CACNG5: variants seen among roughly 807,000 people sequenced by gnomAD.
CACNG5 encodes the protein voltage-dependent calcium channel gamma-5 subunit.
CACNG5 carries 18 observed loss-of-function variants against 24.8 expected under a neutral mutation model. The observed-to-expected ratio is 0.73, with a 90% CI of 0.50 to 1.08. The LOEUF (loss-of-function observed/expected upper bound fraction) is 1.08. Ranked by LOEUF, CACNG5 falls within the 50% of genes least tolerant of loss-of-function variation. CACNG5 has a pLI of 0.00. For synonymous variants in CACNG5, 157 were observed against 149.1 expected, an observed-to-expected ratio of 1.05 and a Z score of -0.39; for missense variants, 349 against 367.9, an observed-to-expected ratio of 0.95 and a Z score of 0.42.
intron 1 of CACNG5, among the ~76,000 whole-genome samples, chr17:66,860,842 T>C (rs1479835974): frequency 2.0e-5 from 3 of 150,206 alleles, no homozygotes; most frequent in Non-Finnish European, 4.4e-5. Context: ...AAACATTATA[T>C]AAGACTTTCT....
At chr17:66,884,805 G>T in intron 5 of CACNG5, 144 bp downstream of exon 5, 1 of 1,613,302 alleles carries the variant, frequency 6.2e-7, no homozygotes, top group African/African-American at 1.3e-5. Context: ...CCTCATCCCA[G>T]AATGTGTCAC....
intron 1 of CACNG5, among the ~76,000 whole-genome samples, chr17:66,872,238 T>C (rs937225869): frequency 6.6e-6 from 1 of 152,238 alleles, no homozygotes; most frequent in Non-Finnish European, 1.5e-5. Flanking sequence ...TTCATTAATT[T>C]ACTATTATAG....
intron 1 of CACNG5, among the ~76,000 whole-genome samples, chr17:66,863,135 G>T (rs960702777): frequency 4.0e-5 from 6 of 151,524 alleles, no homozygotes; most frequent in Admixed American, 6.6e-5. Context: ...TGCTCTTAAG[G>T]TTATGATTTT....
chr17:66,865,936 C>CG (rs1976923778), intron 1 of CACNG5, among the ~76,000 whole-genome samples: 2 of 151,920 alleles, frequency 1.3e-5, no homozygotes, highest in South Asian at 2.1e-4. Context: ...CCACCGCACC[C>CG]GGCCAAGTCT....
At chr17:66,875,296 G>A (rs1323092884) in intron 1 of CACNG5, among the ~76,000 whole-genome samples, 1 of 152,046 alleles carries the variant, frequency 6.6e-6, no homozygotes, top group East Asian at 1.9e-4. Flanking sequence ...GGGTGGAGAG[G>A]GCTGTTTGGT....
intron 2 of CACNG5, 118 bp from the exon 3 acceptor site, chr17:66,878,854 G>A: frequency 1.2e-6 from 1 of 815,008 alleles, no homozygotes. Context: ...ATCCAGCTCA[G>A]GTGCAAAGAC....
chr17:66,857,972 A>G (rs1284346630), intron 1 of CACNG5, among the ~76,000 whole-genome samples: 1 of 152,176 alleles, frequency 6.6e-6, no homozygotes, highest in Non-Finnish European at 1.5e-5. Context: ...CCATTGATAT[A>G]TGGGTTTGGG....
chr17:66,870,735 T>C (rs1337409694), intron 1 of CACNG5, among the ~76,000 whole-genome samples: 1 of 152,016 alleles, frequency 6.6e-6, no homozygotes, highest in Non-Finnish European at 1.5e-5. Context: ...TCCCAACACT[T>C]TGAGAGGCCG....
Position 66,890,340 on chromosome 17 carries a change from T to C in CACNG5, c.*5100T>C, listed in dbSNP as rs2143145604. ...AGTCAGAGCCCTCACCAGGGCTGCT[T>C]TTGCTCTTTGGGTTCCAGGCATGCA... On this transcript the variant is annotated 3_prime_UTR_variant, in exon 6 of 6. Coordinates refer to ENST00000533854, the MANE Select transcript of CACNG5 (RefSeq NM_145811.3). Among the ~76,000 whole-genome samples, 1 of 152,216 alleles carries C rather than the reference T, an allele frequency of 6.6e-6. No homozygotes were observed. Among genetic ancestry groups the C allele is most frequent in the East Asian group, 1.9e-4 (1 of 5,164 alleles).
chr17:66,839,190 GAA>G (rs1380165817), intron 1 of CACNG5, among the ~76,000 whole-genome samples: 1 of 151,808 alleles, frequency 6.6e-6, no homozygotes, highest in African/African-American at 2.4e-5. Context: ...TCAATCTCCT[GAA>G]CTTGTGATCC....
At chr17:66,850,091 G>A (rs1210718834) in intron 1 of CACNG5, among the ~76,000 whole-genome samples, 2 of 150,734 alleles carry the variant, frequency 1.3e-5, no homozygotes, top group Non-Finnish European at 2.9e-5. Context: ...AGCCCCTGCA[G>A]CCAGGCTGCC....
chr17:66,856,774 C>G (rs899714585), intron 1 of CACNG5, among the ~76,000 whole-genome samples: 1 of 152,010 alleles, frequency 6.6e-6, no homozygotes, highest in African/African-American at 2.4e-5. Flanking sequence ...AACTCCTGAC[C>G]TCAGGTGATG....
At position 66,885,050 on chromosome 17, in the gene CACNG5, A is replaced by G; in HGVS notation, c.638A>G (p.His213Arg). ...RYTAEDMYRP[H>R]PGFYRPRLSN... is the part of the protein sequence containing the mutation. The stretch of plus-strand genomic sequence containing the variant: ...ACCGCGGAGGACATGTACAGGCCCC[A>G]CCCTGGCTTCTACCGCCCTCGGCTG... Residue 213 changes from histidine to arginine, a missense_variant, in exon 6 of 6, where the codon CAC (histidine) becomes CGC (arginine). Transcript: ENST00000533854. The G allele has an allele frequency of 6.2e-7, 1 of 1,614,052 alleles. No individual in the cohort carries two copies. The highest frequency in any genetic ancestry group is 8.5e-7 in the Non-Finnish European group (1 of 1,179,990).
chr17:66,862,435 G>A (rs1395272369), intron 1 of CACNG5, among the ~76,000 whole-genome samples: 1 of 151,844 alleles, frequency 6.6e-6, no homozygotes, highest in African/African-American at 2.4e-5. Flanking sequence ...CTGTCTCTCT[G>A]TATATGTGTG....
Position 66,887,556 on chromosome 17 carries a change from G to A in CACNG5, c.*2316G>A, listed in dbSNP as rs1977280616. Reference sequence around the variant, plus strand: ...GGAGACAGATAGCGTTTCCAAACTGGACAATCATTTAGGTAAGCGCTATTC... The same window carrying A: ...GGAGACAGATAGCGTTTCCAAACTGAACAATCATTTAGGTAAGCGCTATTC... On this transcript the variant is annotated 3_prime_UTR_variant, in exon 6 of 6. Transcript: ENST00000533854. 6.6e-6 allele frequency among the ~76,000 whole-genome samples: 1 copy of A among 152,178 alleles called. No homozygotes were observed. The highest frequency in any genetic ancestry group is 6.5e-5 in the Admixed American group (1 of 15,278).
intron 1 of CACNG5, among the ~76,000 whole-genome samples, chr17:66,861,034 C>CAA (rs757893847): frequency 1.3e-4 from 20 of 152,002 alleles, no homozygotes; most frequent in Non-Finnish European, 2.8e-4. Context: ...CGCACACACA[C>CAA]ACACACACAC....
chr17:66,885,027 C>T lies in CACNG5; in HGVS notation c.615C>T (p.Thr205=), dbSNP rs746497704. The T allele has an allele frequency of 3.1e-5, 50 of 1,614,012 alleles. No individual in the cohort carries two copies. Among genetic ancestry groups the T allele is most frequent in the South Asian group, 4.4e-5 (4 of 91,086 alleles). Residue 205 remains threonine (T), a synonymous_variant, in exon 6 of 6, where the codon ACC becomes ACT. Transcript: ENST00000533854. The part of the protein sequence containing the change: ...MSVYLFMKRY[T]AEDMYRPHPG... The stretch of plus-strand genomic sequence containing the variant: ...TGTACCTGTTTATGAAGCGGTACAC[C>T]GCGGAGGACATGTACAGGCCCCACC...
At position 66,894,268 on chromosome 17, in the gene CACNG5, T is replaced by A. The variant is rs1977383713; in HGVS notation, c.*9028T>A. On this transcript the variant is annotated 3_prime_UTR_variant, in exon 6 of 6. Coordinates refer to ENST00000533854, the MANE Select transcript of CACNG5 (RefSeq NM_145811.3). ...ATCTGTCACCCCCTTGGGAGGATCCTGCACATCCTTCCTCAGTGGATCCTT... is the reference window on the plus strand; with the variant it reads ...ATCTGTCACCCCCTTGGGAGGATCCAGCACATCCTTCCTCAGTGGATCCTT... 3.9e-5 allele frequency among the ~76,000 whole-genome samples: 6 copies of A among 152,304 alleles called. No homozygotes were observed. In the South Asian group the frequency reaches 1.2e-3, roughly 32 times the overall value.
chr17:66,870,789 G>A (rs1215743225), intron 1 of CACNG5, among the ~76,000 whole-genome samples: 2 of 152,150 alleles, frequency 1.3e-5, no homozygotes, highest in Non-Finnish European at 2.9e-5. Context: ...GACCAGCCTG[G>A]CTGACCTGGT....
Sources: gnomAD v4.1 joint callset for allele counts (sites outside exome capture counted in the v4.1 genomes callset) on GRCh38, gnomAD v4.1.1 for gene constraint, MANE v1.5 for transcripts, NCBI Gene and HGNC (gene_info 2026-07-23, HGNC 2026-07-21) for gene names.